NHLRC4: variants seen among roughly 807,000 people sequenced by gnomAD.
NHLRC4 encodes the protein NHL-repeat-containing protein 4.
For missense variants in NHLRC4, 158 were observed against 155.4 expected (o/e 1.02, Z -0.09); for synonymous variants, 73 against 69.0 (o/e 1.06, Z -0.29).
In NHLRC4 at chr16:568,338, T is replaced by G. The variant is rs765411482; in HGVS notation, c.291T>G (p.Cys97Trp). 1.1e-5 allele frequency: 18 copies of G among 1,611,474 alleles called. No homozygotes were observed. Among genetic ancestry groups the G allele is most frequent in the Non-Finnish European group, 1.4e-5 (17 of 1,179,382 alleles). The change falls in exon 2 of 2, where the codon TGT becomes TGG. Residue 97 changes from cysteine to tryptophan, a missense_variant. Transcript: ENST00000424439. ...TTGGGCAGCCCTTGGGAGTGGCCTG[T>G]GCACCCCAGGGCCAGCTCCTGGTGG... ...EGLGQPLGVACAPQGQLLVAD... is the reference protein window; with the variant it reads ...EGLGQPLGVAWAPQGQLLVAD...
Position 567,763 on chromosome 16 carries a change from C to A in NHLRC4, c.-285C>A, listed in dbSNP as rs1039867627. The A allele has an allele frequency of 5.0e-5, 21 of 422,518 alleles. No individual in the cohort carries two copies. The highest frequency in any genetic ancestry group is 7.6e-5 in the Non-Finnish European group (18 of 235,314). 26.2% of individuals were successfully genotyped at this position (422,518 alleles called of 1,614,324 possible). ...AGATCTGGAGGGACGCCCCATCTGCCTCCTGCCCTGCCGCACTCCGGGGAG... is the reference window on the plus strand; with the variant it reads ...AGATCTGGAGGGACGCCCCATCTGCATCCTGCCCTGCCGCACTCCGGGGAG... On this transcript the variant is annotated 5_prime_UTR_variant, in exon 2 of 2. Coordinates refer to ENST00000424439, the MANE Select transcript of NHLRC4 (RefSeq NM_001301159.2).
rs1246932690 is a variant in NHLRC4 at position 567,913 on chromosome 16, A to G, written c.-135A>G. 2 of 945,570 alleles carry G rather than the reference A, an allele frequency of 2.1e-6. No individual in the cohort carries two copies. The highest frequency in any genetic ancestry group is 3.3e-5 in the African/African-American group (2 of 60,032). The allele number at this position is 945,570 out of a possible 1,614,324, so 58.6% of individuals were successfully genotyped here. A position where few individuals can be genotyped will look rare whatever the true frequency, so the allele number is the denominator to read the frequency against. ...CCGGGACCCCGGGGGCCACTGGGTG[A>G]CAGTGGGCACCTTCCTGTCTCCCCG... On this transcript the variant is annotated 5_prime_UTR_variant, in exon 2 of 2. The change abolishes the stop of an existing upstream ORF in the 5' untranslated region. Coordinates refer to ENST00000424439, the MANE Select transcript of NHLRC4 (RefSeq NM_001301159.2).
Position 567,991 on chromosome 16 carries a change from G to T in NHLRC4, c.-57G>T. The T allele has an allele frequency of 6.8e-7, 1 of 1,480,282 alleles. No homozygotes were observed. The allele number at this position is 1,480,282 out of a possible 1,614,324, so 91.7% of individuals were successfully genotyped here. A position where few individuals can be genotyped will look rare whatever the true frequency, so the allele number is the denominator to read the frequency against. ...CCTCCTGGTGACGGACTACTTGCCT[G>T]GGGCTGTGCACAGCTTCTCGTTGGG... On this transcript the variant is annotated 5_prime_UTR_variant, in exon 2 of 2. Coordinates refer to ENST00000424439, the MANE Select transcript of NHLRC4 (RefSeq NM_001301159.2).
At position 567,680 on chromosome 16, in the gene NHLRC4, G is replaced by A; in HGVS notation, c.-368G>A. 1 of 211,242 alleles carries A rather than the reference G, an allele frequency of 4.7e-6. No homozygotes were observed. The highest frequency in any genetic ancestry group is 9.7e-6 in the Non-Finnish European group (1 of 103,514). The allele number at this position is 211,242 out of a possible 1,614,324, so 13.1% of individuals were successfully genotyped here. On this transcript the variant is annotated 5_prime_UTR_variant, in exon 2 of 2. Coordinates refer to ENST00000424439, the MANE Select transcript of NHLRC4 (RefSeq NM_001301159.2). ...GTGGGAGGGCCCCGGGGCCTGCACT[G>A]CTCCCCCGATGGCCTGCTCTTCCTC...
In NHLRC4 at chr16:568,185, C is replaced by T. The variant is rs764008340; in HGVS notation, c.138C>T (p.His46=). ...PLGSLGGWTG[H]TFGCPAGICS... is the part of the protein sequence containing the mutation. Reference sequence around the variant, plus strand: ...GCTCCCTGGGGGGCTGGACGGGGCACACTTTCGGCTGCCCAGCGGGCATCT... The same window carrying T: ...GCTCCCTGGGGGGCTGGACGGGGCATACTTTCGGCTGCCCAGCGGGCATCT... The change falls in exon 2 of 2, where the codon CAC becomes CAT. Residue 46 remains histidine, a synonymous_variant. Transcript: ENST00000424439. 7.4e-6 allele frequency: 12 copies of T among 1,611,458 alleles called. No homozygotes were observed. In the African/African-American group the frequency reaches 1.2e-4, roughly 16 times the overall value.
rs750102774 is a variant in NHLRC4 at position 567,798 on chromosome 16, C to T, written c.-250C>T. ...GCCGCACTCCGGGGAGCGGGGCCTT[C>T]GTTCCAGAGGACGTGGCTGTGACAG... On this transcript the variant is annotated 5_prime_UTR_variant, in exon 2 of 2. Transcript: ENST00000424439. 14 of 485,548 alleles carry T rather than the reference C, an allele frequency of 2.9e-5. No homozygotes were observed. Among genetic ancestry groups the T allele is most frequent in the Non-Finnish European group, 4.0e-5 (11 of 275,402 alleles). The allele number at this position is 485,548 out of a possible 1,614,324, so 30.1% of individuals were successfully genotyped here.
At position 567,055 on chromosome 16, in the gene NHLRC4, G is replaced by A. The variant is rs566862627; in HGVS notation, c.-598G>A. ...TGCAGCCACCCAGCCCCGAAGCAGG[G>A]CCCAGCGAGACAGGGCCCAGGTAAG... On this transcript the variant is annotated 5_prime_UTR_variant, in exon 1 of 2. Transcript: ENST00000424439. 581 of 154,328 alleles carry A rather than the reference G, an allele frequency of 3.8e-3. No individual in the cohort carries two copies. Among genetic ancestry groups the A allele is most frequent in the Admixed American group, 7.8e-3 (119 of 15,288 alleles). The allele number at this position is 154,328 out of a possible 1,614,324, so 9.6% of individuals were successfully genotyped here.
rs1403408077 is a variant in NHLRC4 at position 568,936 on chromosome 16, C to T, written c.*517C>T. The T allele has an allele frequency of 4.8e-5, 8 of 165,296 alleles. No individual in the cohort carries two copies. Among genetic ancestry groups the T allele is most frequent in the Non-Finnish European group, 9.6e-5 (7 of 72,556 alleles). The allele number at this position is 165,296 out of a possible 1,614,324, so 10.2% of individuals were successfully genotyped here. A position where few individuals can be genotyped will look rare whatever the true frequency, so the allele number is the denominator to read the frequency against. Reference sequence around the variant, plus strand: ...GGTGTGGCCCCTAAATGTCCCCAACCTCAGAGGGACCTAGAGTCCTGAGCC... The same window carrying T: ...GGTGTGGCCCCTAAATGTCCCCAACTTCAGAGGGACCTAGAGTCCTGAGCC... On this transcript the variant is annotated 3_prime_UTR_variant, in exon 2 of 2. Transcript: ENST00000424439.
chr16:568,020 T>G lies in NHLRC4; in HGVS notation c.-28T>G. The G allele has an allele frequency of 6.6e-7, 1 of 1,504,328 alleles. No homozygotes were observed. Among genetic ancestry groups the G allele is most frequent in the South Asian group, 1.3e-5 (1 of 74,190 alleles). 93.2% of individuals were successfully genotyped at this position (1,504,328 alleles called of 1,614,324 possible). On this transcript the variant is annotated 5_prime_UTR_variant, in exon 2 of 2. Transcript: ENST00000424439. ...CTGTGCACAGCTTCTCGTTGGGTCC[T>G]GCTTGGGAGCCCCTGGCCCCAGCCT...
In NHLRC4 at chr16:568,561, G is replaced by T. The variant is rs947255782; in HGVS notation, c.*142G>T. The T allele has an allele frequency of 3.1e-6, 3 of 976,100 alleles. No individual in the cohort carries two copies. Among genetic ancestry groups the T allele is most frequent in the Non-Finnish European group, 4.5e-6 (3 of 670,932 alleles). The allele number at this position is 976,100 out of a possible 1,614,324, so 60.5% of individuals were successfully genotyped here. A position where few individuals can be genotyped will look rare whatever the true frequency, so the allele number is the denominator to read the frequency against. On this transcript the variant is annotated 3_prime_UTR_variant, in exon 2 of 2. Coordinates refer to ENST00000424439, the MANE Select transcript of NHLRC4 (RefSeq NM_001301159.2). The stretch of plus-strand genomic sequence containing the variant: ...CTGATGCCAGCACCACCTGGGCTGG[G>T]CCCTGGGCTTGGCTCGAGTTCTCCT...
chr16:568,411 C>A lies in NHLRC4; in HGVS notation c.364C>A (p.Leu122Met). Residue 122 changes from leucine (L) to methionine (M), a missense_variant, in exon 2 of 2, where the codon CTG becomes ATG. Coordinates refer to ENST00000424439, the MANE Select transcript of NHLRC4 (RefSeq NM_001301159.2). ...CAAGGTGTACCAGGGCCTCAAGGAG[C>A]TGGCCTGACCTGAGGCTGGGTTGGA... The part of the protein sequence containing the change: ...SIKVYQGLKE[L>M]A 1 of 1,609,134 alleles carries A rather than the reference C, an allele frequency of 6.2e-7. No homozygotes were observed. Among genetic ancestry groups the A allele is most frequent in the South Asian group, 1.1e-5 (1 of 90,736 alleles).
chr16:567,938 G>T lies in NHLRC4; in HGVS notation c.-110G>T. ...ACAGTGGGCACCTTCCTGTCTCCCC[G>T]AGGGCTGGCTGTGGATGCCCTCAAC... On this transcript the variant is annotated 5_prime_UTR_variant, in exon 2 of 2. Transcript: ENST00000424439. 8.2e-7 allele frequency: 1 copy of T among 1,221,334 alleles called. No individual in the cohort carries two copies. Among genetic ancestry groups the T allele is most frequent in the Non-Finnish European group, 1.1e-6 (1 of 904,044 alleles). The allele number at this position is 1,221,334 out of a possible 1,614,324, so 75.7% of individuals were successfully genotyped here.
chr16:568,064 G>T lies in NHLRC4; in HGVS notation c.17G>T (p.Gly6Val). 1.3e-6 allele frequency: 2 copies of T among 1,533,834 alleles called. No individual in the cohort carries two copies. The highest frequency in any genetic ancestry group is 2.3e-5 in the East Asian group (1 of 44,188). MLGLE[G>V]PCWVGPGPDG... Reference sequence around the variant, plus strand: ...CCAGCCTCCATGCTGGGTCTGGAGGGCCCCTGCTGGGTGGGCCCAGGGCCT... The same window carrying T: ...CCAGCCTCCATGCTGGGTCTGGAGGTCCCCTGCTGGGTGGGCCCAGGGCCT... Residue 6 changes from glycine to valine, a missense_variant, in exon 2 of 2, where the codon GGC (glycine) becomes GTC (valine). Gly to Val is a moderately radical substitution (Grantham distance 109). Coordinates refer to ENST00000424439, the MANE Select transcript of NHLRC4 (RefSeq NM_001301159.2).
Position 567,776 on chromosome 16 carries a change from G to A in NHLRC4, c.-272G>A, listed in dbSNP as rs1317292271. 1.4e-5 allele frequency: 6 copies of A among 441,474 alleles called. No homozygotes were observed. The highest frequency in any genetic ancestry group is 7.8e-5 in the East Asian group (2 of 25,550). The allele number at this position is 441,474 out of a possible 1,614,324, so 27.3% of individuals were successfully genotyped here. On this transcript the variant is annotated 5_prime_UTR_variant, in exon 2 of 2. Transcript: ENST00000424439. ...CGCCCCATCTGCCTCCTGCCCTGCC[G>A]CACTCCGGGGAGCGGGGCCTTCGTT... is the stretch of plus-strand genomic sequence containing the variant.
rs997166017 is a variant in NHLRC4, at chr16:568,318, C to T, written c.271C>T (p.Gln91Ter). ...CTGCCTGGTGTCAGAGGGGCTTGGG[C>T]AGCCCTTGGGAGTGGCCTGTGCACC... ...PICLVSEGLG[Q>*]PLGVACAPQG... The change falls in exon 2 of 2, where the codon CAG becomes TAG. Residue 91 changes from glutamine to a stop codon, truncating the protein, a stop_gained. Coordinates refer to ENST00000424439, the MANE Select transcript of NHLRC4 (RefSeq NM_001301159.2). LOFTEE classifies it low-confidence loss of function (END_TRUNC). 6.2e-7 allele frequency: 1 copy of T among 1,611,500 alleles called. No individual in the cohort carries two copies.
At position 567,477 on chromosome 16, in the gene NHLRC4, C is replaced by G. The variant is rs1164833456; in HGVS notation, c.-571C>G. 4 of 154,962 alleles carry G rather than the reference C, an allele frequency of 2.6e-5. No homozygotes were observed. Among genetic ancestry groups the G allele is most frequent in the Admixed American group, 2.0e-4 (3 of 15,350 alleles). 9.6% of individuals were successfully genotyped at this position (154,962 alleles called of 1,614,324 possible). A position where few individuals can be genotyped will look rare whatever the true frequency, so the allele number is the denominator to read the frequency against. On this transcript the variant is annotated 5_prime_UTR_variant, in exon 2 of 2. Coordinates refer to ENST00000424439, the MANE Select transcript of NHLRC4 (RefSeq NM_001301159.2). ...TTGCCATTCCCACACACAGTGGGGC[C>G]TTATTCTCTCTCTTGCAGCCCCAAG...
intron 1 of NHLRC4, 132 bp from the exon 2 acceptor site, chr16:567,339 C>T (rs1435371442): frequency 6.6e-6 from 1 of 152,270 alleles, no homozygotes; most frequent in African/African-American, 2.4e-5. Context: ...ATGTGTCTCC[C>T]AGACTCAAGT....
rs779153327 is a variant in NHLRC4 at position 568,272 on chromosome 16, TC to T, written c.229del (p.Arg77GlyfsTer106). ...AGCAGAGGCGCCAGGTGACCCTGTT[TC>T]CCCGGGCTGGGCCACCCATCTGCCT... is the stretch of plus-strand genomic sequence containing the variant. Reference protein sequence around the residue: ...DEQRRQVTLFPRAGPPICLVS... With the variant: ...DEQRRQVTLFXRAGPPICLVS... On this transcript the variant is annotated frameshift_variant, in exon 2 of 2. Transcript: ENST00000424439. LOFTEE classifies it low-confidence loss of function (END_TRUNC). 8 of 1,612,102 alleles carry T rather than the reference TC, an allele frequency of 5.0e-6. No homozygotes were observed. The highest frequency in any genetic ancestry group is 4.2e-6 in the Non-Finnish European group (5 of 1,179,646).
chr16:568,727 C>G lies in NHLRC4; in HGVS notation c.*308C>G, dbSNP rs2035571920. On this transcript the variant is annotated 3_prime_UTR_variant, in exon 2 of 2. Coordinates refer to ENST00000424439, the MANE Select transcript of NHLRC4 (RefSeq NM_001301159.2). ...GGCCCCTGCATTCATGCCCCCCACA[C>G]CCCCTCAGGCCCTGTGCCTGGACTT... 2.9e-6 allele frequency: 1 copy of G among 341,318 alleles called. No homozygotes were observed. Among genetic ancestry groups the G allele is most frequent in the Admixed American group, 4.4e-5 (1 of 22,486 alleles). The allele number at this position is 341,318 out of a possible 1,614,324, so 21.1% of individuals were successfully genotyped here. A position where few individuals can be genotyped will look rare whatever the true frequency, so the allele number is the denominator to read the frequency against.
Sources: allele counts gnomAD v4.1 joint callset, GRCh38; gene constraint gnomAD v4.1.1; transcripts MANE v1.5; gene names NCBI Gene and HGNC (gene_info 2026-07-23, HGNC 2026-07-21).